The following DLGAP1 variants were observed in gnomAD, a reference collection of about 807,000 sequenced individuals.
DLGAP1 encodes DLG associated protein 1, also known as disks large-associated protein 1.
A neutral mutation model predicts 90.8 loss-of-function variants in DLGAP1; 11 were observed. The ratio of observed to expected loss-of-function variants is 0.12; its 90% confidence interval spans 0.08 to 0.20. DLGAP1 has a LOEUF of 0.20. Among genes scored for constraint, DLGAP1 ranks in the 10% least tolerant of loss-of-function variants. The probability of loss-of-function intolerance (pLI) is 1.00; values close to 1 mark genes in which losing one functional copy is unlikely to be tolerated. For synonymous variants in DLGAP1, 558 were observed against 540.7 expected, an observed-to-expected ratio of 1.03 and a Z score of -0.44; for missense variants, 1,050 against 1,333.8, an observed-to-expected ratio of 0.79 and a Z score of 3.31.
chr18:3,566,942 A>C (rs2145116176), intron 9 of DLGAP1, among the ~76,000 whole-genome samples: 1 of 152,198 alleles, frequency 6.6e-6, no homozygotes, highest in East Asian at 1.9e-4. Context: ...TAATTTTATG[A>C]AATCCTACAT....
intron 1 of DLGAP1, among the ~76,000 whole-genome samples, chr18:4,269,977 T>C (rs1346339343): frequency 6.6e-6 from 1 of 152,256 alleles, no homozygotes; most frequent in Non-Finnish European, 1.5e-5. Flanking sequence ...TTTAGCATGC[T>C]AATGATTGAA....
chr18:4,003,319 A>C (rs1001516904), intron 3 of DLGAP1, among the ~76,000 whole-genome samples: 3 of 152,128 alleles, frequency 2.0e-5, no homozygotes, highest in Non-Finnish European at 4.4e-5. Flanking sequence ...CAGGCACAGG[A>C]CTGGGAAGTG....
In DLGAP1 at chr18:3,879,257, G is replaced by A. The variant is rs1162141943; in HGVS notation, c.812C>T (p.Thr271Ile). 4 of 1,599,516 alleles carry A rather than the reference G, an allele frequency of 2.5e-6. No individual in the cohort carries two copies. The highest frequency in any genetic ancestry group is 1.1e-5 in the South Asian group (1 of 88,618). Residue 271 changes from threonine to isoleucine, a missense_variant, in exon 4 of 13, where the codon ACC becomes ATC. By Grantham distance (89) the Thr-to-Ile change is moderately conservative (BLOSUM62 -1). This residue lies in a region of DLGAP1 where 485 missense variants were observed against 454.1 expected (regional missense o/e 1.07). Transcript: ENST00000315677. This position sits in a 1 kb window ranked among gnomAD's most constrained non-coding sequence, Gnocchi z 6.6. ...TCANLPVSLD[T>I]PLLKKSAWSS... ...CCAGGCGCTCTTCTTCAGCAGCGGG[G>A]TGTCCAGGCTGACCGGCAGGTTGGC...
chr18:3,969,917 T>C (rs565543275), intron 3 of DLGAP1, among the ~76,000 whole-genome samples: 2 of 152,306 alleles, frequency 1.3e-5, no homozygotes, highest in Admixed American at 6.5e-5. Flanking sequence ...TAAAGGGCCT[T>C]CTTAAGACTA....
At chr18:3,681,847 T>C (rs2060524444) in intron 7 of DLGAP1, among the ~76,000 whole-genome samples, 1 of 152,002 alleles carries the variant, frequency 6.6e-6, no homozygotes, top group Middle Eastern at 3.2e-3. Context: ...AAGTGTGTGG[T>C]GGCTGGGCGC....
chr18:4,366,669 A>C (rs1245143722), intron 1 of DLGAP1, among the ~76,000 whole-genome samples: 1 of 152,054 alleles, frequency 6.6e-6, no homozygotes, highest in East Asian at 1.9e-4. Flanking sequence ...TTCTACAGAT[A>C]AATCAATTTA....
At chr18:4,348,680 C>G (rs536352442) in intron 1 of DLGAP1, among the ~76,000 whole-genome samples, 1 of 152,048 alleles carries the variant, frequency 6.6e-6, no homozygotes, top group South Asian at 2.1e-4. Context: ...AAGATGAGCC[C>G]GCAAGATCTT....
intron 1 of DLGAP1, among the ~76,000 whole-genome samples, chr18:4,218,102 ATC>A (rs1036267961): frequency 6.7e-6 from 1 of 150,334 alleles, no homozygotes; most frequent in Non-Finnish European, 1.5e-5. Flanking sequence ...AAGGTGTAAG[ATC>A]TGTTAGAATT....
chr18:3,644,688 C>T (rs1052820231), intron 7 of DLGAP1, among the ~76,000 whole-genome samples: 2 of 152,198 alleles, frequency 1.3e-5, no homozygotes, highest in Non-Finnish European at 2.9e-5. Flanking sequence ...GCTGGGATTA[C>T]AGGCGTGAGC....
At chr18:3,539,010 TG>T (rs1341981058) in intron 9 of DLGAP1, among the ~76,000 whole-genome samples, 11 of 152,226 alleles carry the variant, frequency 7.2e-5, no homozygotes, top group African/African-American at 2.7e-4. Flanking sequence ...TAAAATGGTT[TG>T]GGATTAAAAG....
At chr18:3,540,136 T>C (rs1405923942) in intron 9 of DLGAP1, among the ~76,000 whole-genome samples, 1 of 151,852 alleles carries the variant, frequency 6.6e-6, no homozygotes, top group Non-Finnish European at 1.5e-5. Flanking sequence ...AAAAGACAGA[T>C]CAAAATAAGG....
In DLGAP1 at chr18:3,534,626, T is replaced by C; in HGVS notation, c.2058-11A>G. 1 of 1,525,768 alleles carries C rather than the reference T, an allele frequency of 6.6e-7. No homozygotes were observed. The highest frequency in any genetic ancestry group is 8.8e-7 in the Non-Finnish European group (1 of 1,139,614). 94.5% of individuals were successfully genotyped at this position (1,525,768 alleles called of 1,614,324 possible). A position where few individuals can be genotyped will look rare whatever the true frequency, so the allele number is the denominator to read the frequency against. On this transcript the variant is annotated splice_polypyrimidine_tract_variant and intron_variant, in intron 9 of 12. Transcript: ENST00000315677. ...GTGAACCTGCGGAAGCTTGGGAGAA[T>C]AGAAAAAAGAAATTTAGTTAGAGGA...
At chr18:3,746,913 T>C (rs1363335886) in intron 5 of DLGAP1, among the ~76,000 whole-genome samples, 1 of 152,220 alleles carries the variant, frequency 6.6e-6, no homozygotes, top group Non-Finnish European at 1.5e-5. Context: ...ACTTAATATA[T>C]AACAGCCAAA....
At chr18:3,607,189 C>T (rs530715936) in intron 7 of DLGAP1, 1 of 152,216 alleles carries the variant, frequency 6.6e-6, no homozygotes, top group East Asian at 1.9e-4. Flanking sequence ...TTGTTTTGAA[C>T]CTTTTTTATT....
rs564821810 is a variant in DLGAP1 at position 4,046,006 on chromosome 18, A to T, written c.-158-40805T>A. Among the ~76,000 whole-genome samples, 3 of 152,232 alleles carry T rather than the reference A, an allele frequency of 2.0e-5. No homozygotes were observed. The South Asian group carries it at 6.2e-4, about 32-fold the overall frequency. On this transcript the variant is annotated intron_variant, in intron 2 of 12. Coordinates refer to ENST00000315677, the MANE Select transcript of DLGAP1 (RefSeq NM_004746.4). ...TAAAAAATTACTAAGAATAGTAAGG[A>T]CCTCATAAGAGCCAAGTTTATCTTA...
intron 2 of DLGAP1, among the ~76,000 whole-genome samples, chr18:4,096,576 G>A (rs751832427): frequency 6.7e-6 from 1 of 150,268 alleles, no homozygotes; most frequent in Non-Finnish European, 1.5e-5. Flanking sequence ...TCTCATCCCT[G>A]AATGAAGAGT....
At chr18:3,642,742 G>T (rs1372541576) in intron 7 of DLGAP1, among the ~76,000 whole-genome samples, 1 of 152,132 alleles carries the variant, frequency 6.6e-6, no homozygotes, top group Non-Finnish European at 1.5e-5. Flanking sequence ...ACAAATGTTA[G>T]CTCTTTGTAT....
intron 3 of DLGAP1, among the ~76,000 whole-genome samples, chr18:3,908,722 G>C (rs908299759): frequency 2.0e-5 from 3 of 152,152 alleles, no homozygotes; most frequent in Non-Finnish European, 2.9e-5. Context: ...AACATGATAA[G>C]ATTAGCAGGT....
At chr18:3,989,021 G>A (rs1485949814) in intron 3 of DLGAP1, among the ~76,000 whole-genome samples, 1 of 152,292 alleles carries the variant, frequency 6.6e-6, no homozygotes, top group East Asian at 1.9e-4. Flanking sequence ...CACAGGCCCG[G>A]CTGCTCCCTC....
Sources: gnomAD v4.1 joint callset for allele counts (sites outside exome capture counted in the v4.1 genomes callset) on GRCh38, gnomAD v4.1.1 for gene constraint, gnomAD v4.1.1 regional missense constraint, Gnocchi (gnomAD v3.1) non-coding constraint, MANE v1.5 for transcripts, NCBI Gene and HGNC (gene_info 2026-07-23, HGNC 2026-07-21) for gene names.